Variants in SLC6A12 observed in about 807,000 individuals in gnomAD.
SLC6A12 encodes the protein solute carrier family 6 member 12, also known as sodium- and chloride-dependent betaine transporter.
SLC6A12 carries 50 observed loss-of-function variants against 73.3 expected under a neutral mutation model. The observed-to-expected ratio is 0.68, with a 90% CI of 0.54 to 0.86. The LOEUF (loss-of-function observed/expected upper bound fraction) is 0.86. Among genes scored for constraint, SLC6A12 ranks in the 40% least tolerant of loss-of-function variants. SLC6A12 has a pLI of 0.00. For synonymous variants in SLC6A12, 304 were observed against 309.2 expected (o/e 0.98, Z 0.18); for missense variants, 648 against 772.8 (o/e 0.84, Z 1.92).
chr12:201,677 A>G, intron 6 of SLC6A12, 85 bp downstream of exon 6: 2 of 1,091,750 alleles, frequency 1.8e-6, no homozygotes, highest in Non-Finnish European at 2.8e-6. Flanking sequence ...ACAGAATCTT[A>G]AACTTGCACC....
chr12:198,769 G>T lies in SLC6A12; in HGVS notation c.846+28C>A. 6.2e-7 allele frequency: 1 copy of T among 1,609,244 alleles called. No individual in the cohort carries two copies. The highest frequency in any genetic ancestry group is 1.1e-5 in the South Asian group (1 of 90,582). On this transcript the variant is annotated intron_variant, in intron 8 of 15. Coordinates refer to ENST00000684302, the MANE Select transcript of SLC6A12 (RefSeq NM_001122848.3). This position sits in a 1 kb window ranked among gnomAD's most constrained non-coding sequence, Gnocchi z 4.0. Reference sequence around the variant, plus strand: ...ACCTGGCTGGGTGGGGAAGGCACCTGGGGAAGTGGTCCCAGCACGGTACAT... The same window carrying T: ...ACCTGGCTGGGTGGGGAAGGCACCTTGGGAAGTGGTCCCAGCACGGTACAT...
intron 2 of SLC6A12, chr12:210,724 A>G (rs2137215947): frequency 6.6e-6 from 1 of 152,500 alleles, no homozygotes; most frequent in South Asian, 2.1e-4. Context: ...CCCTGGTGCC[A>G]GAAGGGATCA....
Position 191,657 on chromosome 12 carries a change from C to T in SLC6A12, c.1702-446G>A, listed in dbSNP as rs570558557. On this transcript the variant is annotated intron_variant, in intron 15 of 15. Transcript: ENST00000684302. ...TTTCTTCTTATCAGTGGTACTGCTA[C>T]GACTGTTGGTGGTGGTGGTGGTGGT... Among the ~76,000 whole-genome samples the T allele has an allele frequency of 4.6e-5, 7 of 152,246 alleles. No individual in the cohort carries two copies. The South Asian group carries it at 8.3e-4, about 18-fold the overall frequency.
intron 15 of SLC6A12, among the ~76,000 whole-genome samples, chr12:191,521 G>T (rs1309045863): frequency 6.6e-6 from 1 of 152,198 alleles, no homozygotes; most frequent in East Asian, 1.9e-4. Flanking sequence ...ATAGTAGAAT[G>T]CACCTCACAG....
chr12:211,571 G>A (rs906884538), intron 2 of SLC6A12, among the ~76,000 whole-genome samples: 11 of 152,188 alleles, frequency 7.2e-5, no homozygotes, highest in Non-Finnish European at 1.6e-4. Flanking sequence ...GACCCATGGG[G>A]GCCTTGAGCA....
chr12:187,295 A>G (rs774089055), downstream of SLC6A12, among the ~76,000 whole-genome samples: 1 of 152,082 alleles, frequency 6.6e-6, no homozygotes, highest in Non-Finnish European at 1.5e-5. Context: ...TGAGGGTTAC[A>G]GTTCTTAAAG....
At chr12:196,093 C>A in intron 12 of SLC6A12, 31 bp downstream of exon 12, 1 of 1,548,888 alleles carries the variant, frequency 6.5e-7, no homozygotes, top group East Asian at 2.4e-5. Context: ...TCCCCTGGAG[C>A]CTGGCCTGCA....
chr12:190,263 G>A lies in SLC6A12; in HGVS notation c.*805C>T, dbSNP rs897794529. ...AGGTTCCTCATCCATGAAGTCAGGG[G>A]TTTGCGTTAGAAGCAGGATGGCAAA... is the stretch of plus-strand genomic sequence containing the variant. On this transcript the variant is annotated 3_prime_UTR_variant, in exon 16 of 16. Coordinates refer to ENST00000684302, the MANE Select transcript of SLC6A12 (RefSeq NM_001122848.3). The A allele has an allele frequency of 2.0e-5, 3 of 152,236 alleles. No individual in the cohort carries two copies. The highest frequency in any genetic ancestry group is 7.2e-5 in the African/African-American group (3 of 41,428). The allele number at this position is 152,236 out of a possible 1,614,324, so 9.4% of individuals were successfully genotyped here. A position where few individuals can be genotyped will look rare whatever the true frequency, so the allele number is the denominator to read the frequency against.
intron 13 of SLC6A12, among the ~76,000 whole-genome samples, chr12:193,805 T>TA (rs1939737191): frequency 6.6e-6 from 1 of 152,146 alleles, no homozygotes; most frequent in Non-Finnish European, 1.5e-5. Flanking sequence ...AGAAAACTCA[T>TA]AGAGGGCTAG....
At chr12:208,772 G>A (rs1940775918) in intron 3 of SLC6A12, among the ~76,000 whole-genome samples, 1 of 152,086 alleles carries the variant, frequency 6.6e-6, no homozygotes, top group African/African-American at 2.4e-5. Flanking sequence ...AAGTGGTTGT[G>A]GTGATGGCTG....
At chr12:196,283 G>T in intron 11 of SLC6A12, 22 bp from the exon 12 acceptor site, 1 of 1,602,808 alleles carries the variant, frequency 6.2e-7, no homozygotes, top group South Asian at 1.1e-5. Context: ...GAGGGGAACT[G>T]GATGAGAGGG....
chr12:192,742 T>C (rs1191538362), intron 14 of SLC6A12, 94 bp from the exon 15 acceptor site: 2 of 1,187,490 alleles, frequency 1.7e-6, no homozygotes, highest in African/African-American at 3.0e-5. Context: ...ACAAGTCAGG[T>C]GCACTGCAGC....
In SLC6A12 at chr12:192,614, G is replaced by A. The variant is rs1201920995; in HGVS notation, c.1565C>T (p.Pro522Leu). 2 of 1,614,010 alleles carry A rather than the reference G, an allele frequency of 1.2e-6. No individual in the cohort carries two copies. Among genetic ancestry groups the A allele is most frequent in the Admixed American group, 1.7e-5 (1 of 59,994 alleles). Residue 522 changes from proline to leucine, a missense_variant, in exon 15 of 16, where the codon CCC becomes CTC. Pro to Leu is a moderately conservative substitution (Grantham distance 98). Coordinates refer to ENST00000684302, the MANE Select transcript of SLC6A12 (RefSeq NM_001122848.3). The stretch of plus-strand genomic sequence containing the variant: ...CACATAGACGTTGTTGTACTTGAGG[G>A]GGGTGTACTTGCTCAAGGAGAAGAG... ...TFLFSLSKYTPLKYNNVYVYP... is the reference protein window; with the variant it reads ...TFLFSLSKYTLLKYNNVYVYP...
Position 204,734 on chromosome 12 carries a change from C to G in SLC6A12, c.215-36G>C, listed in dbSNP as rs201456091. The G allele has an allele frequency of 1.2e-5, 20 of 1,610,918 alleles. No individual in the cohort carries two copies. The African/African-American group carries it at 1.7e-4, about 14-fold the overall frequency. On this transcript the variant is annotated intron_variant, in intron 3 of 15. Transcript: ENST00000684302. ...GAGAGAGGCAGGGCTGAGCCACACC[C>G]GGGCTCTTCCTCAGCCTCCATCCTT...
At chr12:192,931 T>C (rs1939678710) in intron 14 of SLC6A12, 2 of 421,624 alleles carry the variant, frequency 4.7e-6, no homozygotes, top group African/African-American at 4.2e-5. Flanking sequence ...AAGAGCATCA[T>C]TCACATCACA....
chr12:192,222 C>T (rs922285381), intron 15 of SLC6A12, among the ~76,000 whole-genome samples: 6 of 152,178 alleles, frequency 3.9e-5, no homozygotes, highest in Non-Finnish European at 5.9e-5. Flanking sequence ...CAGCAGTTTG[C>T]CCTCCGTTAG....
intron 6 of SLC6A12, 61 bp downstream of exon 6, chr12:201,701 C>G (rs554002818): frequency 3.7e-6 from 5 of 1,345,362 alleles, no homozygotes; most frequent in Admixed American, 3.4e-5. Context: ...GACATTCAGA[C>G]TTGCACAGCT....
chr12:187,596 A>G (rs1179967737), downstream of SLC6A12, among the ~76,000 whole-genome samples: 70 of 5,814 alleles, frequency 0.012, no homozygotes, highest in African/African-American at 0.015. Context: ...GAGCAAAAAA[A>G]AAAAAAAAAA....
At chr12:208,939 A>T (rs1482840969) in intron 3 of SLC6A12, among the ~76,000 whole-genome samples, 1 of 152,182 alleles carries the variant, frequency 6.6e-6, no homozygotes, top group Non-Finnish European at 1.5e-5. Flanking sequence ...GTATTTCTCC[A>T]ACCAAAATTG....
Sources: allele counts gnomAD v4.1 joint callset (sites outside exome capture counted in the v4.1 genomes callset), GRCh38; gene constraint gnomAD v4.1.1; non-coding constraint Gnocchi (gnomAD v3.1); transcripts MANE v1.5; gene names NCBI Gene and HGNC (gene_info 2026-07-23, HGNC 2026-07-21).